Variants in DOCK2 observed in about 807,000 individuals in gnomAD.
DOCK2 encodes the protein dedicator of cytokinesis 2.
A neutral mutation model predicts 248.9 loss-of-function variants in DOCK2; 87 were observed. That is an observed-to-expected ratio of 0.35 (90% CI 0.29 to 0.42). The LOEUF (loss-of-function observed/expected upper bound fraction) is 0.42. Among genes scored for constraint, DOCK2 ranks in the 10% least tolerant of loss-of-function variants. The pLI, the probability that DOCK2 is intolerant of heterozygous loss-of-function variation, is 1.00. For synonymous variants in DOCK2, 805 were observed against 821.6 expected, an observed-to-expected ratio of 0.98 and a Z score of 0.35; for missense variants, 1,747 against 2,300.2, an observed-to-expected ratio of 0.76 and a Z score of 4.92.
intron 23 of DOCK2, among the ~76,000 whole-genome samples, chr5:169,755,515 G>A (rs1581144189): frequency 6.6e-6 from 1 of 152,282 alleles, no homozygotes; most frequent in South Asian, 2.1e-4. Flanking sequence ...GGCTGAGGCG[G>A]GTGGATCACC....
At chr5:169,731,167 C>A (rs1483738286) in intron 22 of DOCK2, among the ~76,000 whole-genome samples, 2 of 152,294 alleles carry the variant, frequency 1.3e-5, no homozygotes, top group Admixed American at 1.3e-4. Context: ...CACACCCAGC[C>A]TTGCCACTTC....
Position 169,989,937 on chromosome 5 carries a change from C to A in DOCK2, c.2993+4015C>A, listed in dbSNP as rs139907050. On this transcript the variant is annotated intron_variant, in intron 29 of 51. Coordinates refer to ENST00000520908, the MANE Select transcript of DOCK2 (RefSeq NM_004946.3). Reference sequence around the variant, plus strand: ...CAAATCTGGGCTGGATCTTGTCTACCTTTTCATATGGTAGTTCCATCAGTG... The same window carrying A: ...CAAATCTGGGCTGGATCTTGTCTACATTTTCATATGGTAGTTCCATCAGTG... Among the ~76,000 whole-genome samples, 49 of 152,272 alleles carry A rather than the reference C, an allele frequency of 3.2e-4. No individual in the cohort carries two copies. In the East Asian group the frequency reaches 5.6e-3, roughly 17 times the overall value.
chr5:169,790,676 A>C (rs1325038562), intron 25 of DOCK2, among the ~76,000 whole-genome samples: 1 of 152,254 alleles, frequency 6.6e-6, no homozygotes, highest in Non-Finnish European at 1.5e-5. Context: ...CTTTGGACTG[A>C]AAAACTTCTG....
chr5:169,686,038 GC>G, intron 8 of DOCK2, among the ~76,000 whole-genome samples: 1 of 152,220 alleles, frequency 6.6e-6, no homozygotes, highest in Non-Finnish European at 1.5e-5. Context: ...CAAAGAGTCA[GC>G]CCAATTCACC....
chr5:169,679,869 A>G (rs1334990627), intron 6 of DOCK2, among the ~76,000 whole-genome samples: 3 of 152,240 alleles, frequency 2.0e-5, no homozygotes, highest in African/African-American at 7.2e-5. Flanking sequence ...ATGAAGACTT[A>G]GTTTCCTTCA....
At chr5:169,950,642 C>T (rs1032248960) in intron 27 of DOCK2, among the ~76,000 whole-genome samples, 5 of 152,234 alleles carry the variant, frequency 3.3e-5, no homozygotes, top group Non-Finnish European at 7.3e-5. Flanking sequence ...CTCAGGTGTA[C>T]TCTTTTCCCC....
intron 27 of DOCK2, among the ~76,000 whole-genome samples, chr5:169,905,494 C>A (rs1774225182): frequency 6.6e-6 from 1 of 152,194 alleles, no homozygotes; most frequent in Non-Finnish European, 1.5e-5. Context: ...TAGCTCGAGG[C>A]TGCCAGGCAG....
At chr5:169,775,303 T>C (rs1765323214) in intron 25 of DOCK2, among the ~76,000 whole-genome samples, 3 of 152,212 alleles carry the variant, frequency 2.0e-5, no homozygotes, top group Admixed American at 1.3e-4. Flanking sequence ...CAGTCAGCTC[T>C]GGGAGGAGAG....
intron 22 of DOCK2, among the ~76,000 whole-genome samples, chr5:169,728,995 AT>A (rs1295204203): frequency 1.3e-5 from 2 of 152,198 alleles, no homozygotes; most frequent in African/African-American, 4.8e-5. Context: ...TTAACTCATT[AT>A]TGGAAATCTG....
chr5:169,972,586 T>TGATAGATA (rs1554122914), intron 27 of DOCK2, among the ~76,000 whole-genome samples: 225 of 69,026 alleles, frequency 3.3e-3, no homozygotes, highest in Admixed American at 4.2e-3. Context: ...GATAGATAGA[T>TGATAGATA]GATAGATAGA....
At chr5:169,768,243 G>A in intron 25 of DOCK2, among the ~76,000 whole-genome samples, 1 of 152,360 alleles carries the variant, frequency 6.6e-6, no homozygotes, top group South Asian at 2.1e-4. Flanking sequence ...TAACACCAGA[G>A]AATCTGGGAT....
At chr5:169,771,922 T>C (rs991302244) in intron 25 of DOCK2, among the ~76,000 whole-genome samples, 1 of 152,140 alleles carries the variant, frequency 6.6e-6, no homozygotes, top group East Asian at 1.9e-4. Context: ...ATAGTGTGAG[T>C]AGGAATCTGA....
At chr5:169,878,308 A>T (rs1772446349) in intron 27 of DOCK2, among the ~76,000 whole-genome samples, 1 of 152,208 alleles carries the variant, frequency 6.6e-6, no homozygotes, top group Non-Finnish European at 1.5e-5. Flanking sequence ...TACCATCTAC[A>T]CAGTTATTCA....
intron 22 of DOCK2, among the ~76,000 whole-genome samples, chr5:169,739,426 T>C (rs1274990690): frequency 6.6e-6 from 1 of 152,200 alleles, no homozygotes; most frequent in Non-Finnish European, 1.5e-5. Flanking sequence ...TGGACTGTTG[T>C]AGGAAGGAGC....
At chr5:169,855,041 C>A (rs1169226996) in intron 27 of DOCK2, among the ~76,000 whole-genome samples, 3 of 152,194 alleles carry the variant, frequency 2.0e-5, no homozygotes, top group Non-Finnish European at 4.4e-5. Context: ...CCAAGCTTGG[C>A]AGACCCTCAA....
At chr5:170,045,952 C>A (rs777357186) in intron 39 of DOCK2, 47 bp downstream of exon 39, 1 of 1,577,350 alleles carries the variant, frequency 6.3e-7, no homozygotes, top group Admixed American at 1.7e-5. Flanking sequence ...GCTGGGTGCT[C>A]AGGGCCTCAG....
intron 26 of DOCK2, among the ~76,000 whole-genome samples, chr5:169,838,714 G>A (rs575241668): frequency 2.5e-4 from 38 of 152,220 alleles, no homozygotes; most frequent in Admixed American, 1.5e-3. Flanking sequence ...GATGAAGCAG[G>A]GGAACTTGTT....
At chr5:169,779,574 A>C (rs539728999) in intron 25 of DOCK2, among the ~76,000 whole-genome samples, 2 of 152,286 alleles carry the variant, frequency 1.3e-5, no homozygotes, top group African/African-American at 4.8e-5. Flanking sequence ...GGAACTCACA[A>C]GATGATTAGG....
intron 27 of DOCK2, among the ~76,000 whole-genome samples, chr5:169,937,141 A>G (rs961206728): frequency 7.9e-5 from 12 of 152,242 alleles, no homozygotes; most frequent in Admixed American, 3.3e-4. Context: ...TTACTGCGGC[A>G]CAGATATGCT....
Sources: gnomAD v4.1 joint callset for allele counts (sites outside exome capture counted in the v4.1 genomes callset) on GRCh38, gnomAD v4.1.1 for gene constraint, MANE v1.5 for transcripts, NCBI Gene and HGNC (gene_info 2026-07-23, HGNC 2026-07-21) for gene names.